The following AGR3 variants were observed in gnomAD, a reference collection of about 807,000 sequenced individuals.
The protein encoded by AGR3 is anterior gradient protein 3.
In AGR3, 37 loss-of-function variants were observed where a neutral mutation model predicts 24.5. The ratio of observed to expected loss-of-function variants is 1.51; its 90% CI spans 1.16 to 1.99. AGR3 has a LOEUF of 1.99. AGR3 is among the 30% of genes most tolerant of loss of function. The pLI, the probability that AGR3 is intolerant of heterozygous loss-of-function variation, is 0.00. For synonymous variants in AGR3, 75 were observed against 61.6 expected (o/e 1.22, Z -1.02); for missense variants, 228 against 191.1 (o/e 1.19, Z -1.14).
downstream of AGR3, among the ~76,000 whole-genome samples, chr7:16,858,283 C>T (rs112963117): frequency 0.018 from 2,766 of 152,038 alleles, 39 homozygotes; most frequent in Non-Finnish European, 0.03. Context: ...TATGAGCCAC[C>T]GCACCCAGCC....
chr7:16,859,237 A>AG, downstream of AGR3, among the ~76,000 whole-genome samples: 1 of 152,038 alleles, frequency 6.6e-6, no homozygotes, highest in African/African-American at 2.4e-5. Flanking sequence ...ATCTCAAAAA[A>AG]AAAAATTTAG....
At position 16,873,753 on chromosome 7, in the gene AGR3, A is replaced by G. The variant is rs28945084; in HGVS notation, c.173+27T>C. ...TTATGAGTCTACTACAAATAAAAGG[A>G]AAAAAATGAGCTGAGAAGCATGTTA... On this transcript the variant is annotated intron_variant, in intron 3 of 7. Coordinates refer to ENST00000310398, the MANE Select transcript of AGR3 (RefSeq NM_176813.5). The G allele has an allele frequency of 9.3e-3, 14,404 of 1,544,764 alleles. 422 individuals are homozygous for G. Among genetic ancestry groups the G allele is most frequent in the Admixed American group, 0.07 (4,171 of 59,426 alleles).
Position 16,860,348 on chromosome 7 carries a change from G to A in AGR3, c.451+152C>T. The A allele has an allele frequency of 5.1e-6, 3 of 587,268 alleles. No individual in the cohort carries two copies. The South Asian group carries it at 7.1e-5, about 14-fold the overall frequency. The allele number at this position is 587,268 out of a possible 1,614,324, so 36.4% of individuals were successfully genotyped here. ...GATTCTGAGGTACCCCCAAAATTCT[G>A]ATTTTGGTGGGAGCTAGAAGTTGGC... On this transcript the variant is annotated intron_variant, in intron 7 of 7. Coordinates refer to ENST00000310398, the MANE Select transcript of AGR3 (RefSeq NM_176813.5).
At chr7:16,871,115 G>A (rs1263753081) in intron 3 of AGR3, among the ~76,000 whole-genome samples, 3 of 152,164 alleles carry the variant, frequency 2.0e-5, no homozygotes, top group African/African-American at 7.2e-5. Flanking sequence ...TTATAAATTT[G>A]GATTTTTAAA....
chr7:16,861,746 C>CA (rs1781647972), intron 5 of AGR3, among the ~76,000 whole-genome samples: 2 of 151,102 alleles, frequency 1.3e-5, no homozygotes, highest in African/African-American at 4.9e-5. Flanking sequence ...ACTAAAAATA[C>CA]AAAAATTAGC....
intron 3 of AGR3, chr7:16,865,665 G>A (rs577849925): frequency 1.4e-5 from 11 of 801,482 alleles, no homozygotes; most frequent in South Asian, 1.2e-4. Flanking sequence ...GTTCTCAGAT[G>A]ATCTCCAAGC....
At chr7:16,872,891 C>A (rs1406236054) in intron 3 of AGR3, among the ~76,000 whole-genome samples, 2 of 152,070 alleles carry the variant, frequency 1.3e-5, no homozygotes, top group African/African-American at 4.8e-5. Flanking sequence ...CAGATCAAAA[C>A]CACAATGAGA....
chr7:16,867,954 A>G (rs1781789679), intron 3 of AGR3, among the ~76,000 whole-genome samples: 1 of 152,122 alleles, frequency 6.6e-6, no homozygotes, highest in South Asian at 2.1e-4. Flanking sequence ...GCTTTCCATA[A>G]TGGCTGTACT....
chr7:16,864,821 T>C (rs1781722571), intron 3 of AGR3: 1 of 885,662 alleles, frequency 1.1e-6, no homozygotes, highest in African/African-American at 1.6e-5. Context: ...CTTGTAGCTA[T>C]AGATGTCCTA....
At chr7:16,876,284 G>A (rs1034857155) in intron 2 of AGR3, among the ~76,000 whole-genome samples, 3 of 151,762 alleles carry the variant, frequency 2.0e-5, no homozygotes, top group Admixed American at 6.6e-5. Flanking sequence ...TCTATCTCTG[G>A]CTATATTTTC....
chr7:16,877,443 G>T (rs769689268), intron 2 of AGR3, among the ~76,000 whole-genome samples: 65 of 151,226 alleles, frequency 4.3e-4, no homozygotes, highest in Non-Finnish European at 4.0e-4. Flanking sequence ...ATTTGCAGTG[G>T]TAATATGAAT....
downstream of AGR3, among the ~76,000 whole-genome samples, chr7:16,858,354 A>G (rs1781581628): frequency 6.6e-6 from 1 of 152,132 alleles, no homozygotes. Context: ...TTCTATTAGC[A>G]GGATTTTTTC....
In AGR3 at chr7:16,861,424, T is replaced by C. The variant is rs1781640793; in HGVS notation, c.327A>G (p.Leu109=). The change falls in exon 6 of 8, where the codon TTA becomes TTG. Residue 109 remains leucine, a synonymous_variant. Transcript: ENST00000310398. The part of the protein sequence containing the change: ...NLMHETTDKN[L]SPDGQYVPRI... ...TAGGCACATATTGCCCATCAGGTGA[T>C]AAATTCTTATCAGTGGTTTCATGCT... 1.9e-6 allele frequency: 3 copies of C among 1,611,684 alleles called. No homozygotes were observed. Among genetic ancestry groups the C allele is most frequent in the Non-Finnish European group, 2.5e-6 (3 of 1,178,766 alleles).
Position 16,860,392 on chromosome 7 carries a change from G to A in AGR3, c.451+108C>T, listed in dbSNP as rs1781617187. On this transcript the variant is annotated intron_variant, in intron 7 of 7. Transcript: ENST00000310398. Reference sequence around the variant, plus strand: ...AGTTGGCATTTAAACACCACCACTAGCCTCAGTGACTGGTGTGTAGAAGCA... The same window carrying A: ...AGTTGGCATTTAAACACCACCACTAACCTCAGTGACTGGTGTGTAGAAGCA... 5 of 835,874 alleles carry A rather than the reference G, an allele frequency of 6.0e-6. No homozygotes were observed. The Admixed American group carries it at 9.9e-5, about 16-fold the overall frequency. 51.8% of individuals were successfully genotyped at this position (835,874 alleles called of 1,614,324 possible).
At chr7:16,867,722 A>G (rs150482968) in intron 3 of AGR3, among the ~76,000 whole-genome samples, 2 of 152,126 alleles carry the variant, frequency 1.3e-5, no homozygotes, top group Non-Finnish European at 2.9e-5. Context: ...TTTAGATTAC[A>G]CATGTGAGAT....
intron 6 of AGR3, 112 bp downstream of exon 6, chr7:16,861,272 A>T: frequency 1.3e-6 from 1 of 747,170 alleles, no homozygotes; most frequent in Middle Eastern, 3.9e-4. Flanking sequence ...ATTGGATTAG[A>T]AATGACTTCT....
Position 16,870,381 on chromosome 7 carries a change from A to G in AGR3, c.173+3399T>C, listed in dbSNP as rs547432224. Among the ~76,000 whole-genome samples the G allele has an allele frequency of 2.7e-4, 40 of 149,760 alleles. No individual in the cohort carries two copies. The South Asian group carries it at 8.4e-3, about 32-fold the overall frequency. On this transcript the variant is annotated intron_variant, in intron 3 of 7. Transcript: ENST00000310398. Reference sequence around the variant, plus strand: ...TTAACTTTTCCTTTCTACATTTTCTACTTTTTCCTTCTATAATTGTGTTAG... The same window carrying G: ...TTAACTTTTCCTTTCTACATTTTCTGCTTTTTCCTTCTATAATTGTGTTAG...
intron 1 of AGR3, among the ~76,000 whole-genome samples, chr7:16,880,361 A>T (rs965286296): frequency 3.3e-5 from 5 of 151,736 alleles, no homozygotes; most frequent in Non-Finnish European, 7.4e-5. Flanking sequence ...GGGTTTCACC[A>T]TGTTGGCCAG....
At chr7:16,865,937 C>G (rs1160081239) in intron 3 of AGR3, 1 of 697,522 alleles carries the variant, frequency 1.4e-6, no homozygotes, top group Non-Finnish European at 2.7e-6. Flanking sequence ...TTTTGGTTGC[C>G]TTTCTAAGAC....
Sources: allele counts gnomAD v4.1 joint callset (sites outside exome capture counted in the v4.1 genomes callset), GRCh38; gene constraint gnomAD v4.1.1; transcripts MANE v1.5; gene names NCBI Gene and HGNC (gene_info 2026-07-23, HGNC 2026-07-21).